Variants in ESRRG observed in about 807,000 individuals in gnomAD.
ESRRG encodes the protein estrogen-related receptor gamma.
In ESRRG, 13 loss-of-function variants were observed where a neutral mutation model predicts 44.0. The observed-to-expected ratio is 0.30, with a 90% CI of 0.19 to 0.47. ESRRG has a LOEUF of 0.47. Ranked by LOEUF, ESRRG falls within the 20% of genes least tolerant of loss-of-function variation. The pLI is 1.00. For missense variants in ESRRG, 395 were observed against 580.6 expected, an observed-to-expected ratio of 0.68 and a Z score of 3.29; for synonymous variants, 215 against 214.6, an observed-to-expected ratio of 1.00 and a Z score of -0.02.
intron 1 of ESRRG, among the ~76,000 whole-genome samples, chr1:216,950,012 C>T (rs2066698741): frequency 6.6e-6 from 1 of 150,890 alleles, no homozygotes; most frequent in Admixed American, 6.6e-5. Context: ...GGGGTTTCGC[C>T]ATGTTGGCCA....
At chr1:217,092,288 C>A (rs2092360628), upstream of ESRRG, among the ~76,000 whole-genome samples, 1 of 152,122 alleles carries the variant, frequency 6.6e-6, no homozygotes, top group Non-Finnish European at 1.5e-5. Flanking sequence ...CACTTCCCAA[C>A]CAAACCAAAG....
intron 5 of ESRRG, among the ~76,000 whole-genome samples, chr1:216,521,452 C>CAA (rs113482264): frequency 0.087 from 12,631 of 145,250 alleles, 646 homozygotes; most frequent in Admixed American, 0.18. Context: ...ATTAAAATAC[C>CAA]AAAAAAAAAA....
rs562003709 is a variant in ESRRG at position 216,819,924 on chromosome 1, A to T, written c.-14+119658T>A. On this transcript the variant is annotated intron_variant, in intron 2 of 7. Transcript: ENST00000359162. ...GGTATGGAGCAGACCAAAACAATAC[A>T]ACTGTAGAAATAAAAATTCCCATTA... Among the ~76,000 whole-genome samples the T allele has an allele frequency of 1.2e-4, 18 of 152,338 alleles. No homozygotes were observed. In the South Asian group the frequency reaches 3.7e-3, roughly 32 times the overall value.
intron 2 of ESRRG, among the ~76,000 whole-genome samples, chr1:216,662,209 G>A (rs1019937187): frequency 6.6e-6 from 1 of 152,098 alleles, no homozygotes; most frequent in Admixed American, 6.6e-5. Flanking sequence ...CCCAGGTAAT[G>A]GTTCTCAGCA....
intron 3 of ESRRG, among the ~76,000 whole-genome samples, chr1:216,603,269 A>T (rs1375656409): frequency 6.6e-6 from 1 of 152,172 alleles, no homozygotes. Flanking sequence ...AATATAACTC[A>T]AAGCCCATGT....
At chr1:216,886,630 T>C (rs2096522048) in intron 2 of ESRRG, among the ~76,000 whole-genome samples, 1 of 152,222 alleles carries the variant, frequency 6.6e-6, no homozygotes, top group Admixed American at 6.5e-5. Context: ...ACAACTATTT[T>C]TATTCCACTT....
intron 1 of ESRRG, among the ~76,000 whole-genome samples, chr1:216,941,207 C>T (rs1416793174): frequency 2.6e-5 from 4 of 152,074 alleles, no homozygotes; most frequent in Non-Finnish European, 5.9e-5. Context: ...GGAGAGGACC[C>T]ACTTAACTGA....
At chr1:216,650,728 C>T (rs190927743) in intron 3 of ESRRG, among the ~76,000 whole-genome samples, 7 of 152,246 alleles carry the variant, frequency 4.6e-5, no homozygotes, top group East Asian at 1.9e-4. Context: ...AAAAGCACTA[C>T]GGTCAAGCAT....
chr1:217,126,865 T>C (rs766913804), intron 1 of ESRRG, among the ~76,000 whole-genome samples: 1 of 152,220 alleles, frequency 6.6e-6, no homozygotes, highest in Non-Finnish European at 1.5e-5. Flanking sequence ...ACTGCCCAAC[T>C]GCATTGCATG....
chr1:216,790,944 A>G (rs1332498568), intron 2 of ESRRG, among the ~76,000 whole-genome samples: 1 of 152,154 alleles, frequency 6.6e-6, no homozygotes, highest in African/African-American at 2.4e-5. Flanking sequence ...CAGTTGAACA[A>G]AAATGGAAGT....
At chr1:216,933,761 C>T (rs905878372) in intron 2 of ESRRG, among the ~76,000 whole-genome samples, 12 of 152,230 alleles carry the variant, frequency 7.9e-5, no homozygotes, top group African/African-American at 2.9e-4. Flanking sequence ...AGAAATTTAA[C>T]AAGTGATTCT....
intron 1 of ESRRG, among the ~76,000 whole-genome samples, chr1:216,958,082 T>A: frequency 6.6e-6 from 1 of 152,242 alleles, no homozygotes. Flanking sequence ...ATAACATTTA[T>A]GAGATTCATC....
intron 1 of ESRRG, among the ~76,000 whole-genome samples, chr1:217,107,811 G>A (rs2092616357): frequency 6.6e-6 from 1 of 151,980 alleles, no homozygotes; most frequent in South Asian, 2.1e-4. Flanking sequence ...AAATAGTTAG[G>A]TTTTATGACT....
chr1:216,727,600 C>A (rs773297639), upstream of ESRRG, among the ~76,000 whole-genome samples: 4 of 152,142 alleles, frequency 2.6e-5, no homozygotes, highest in Non-Finnish European at 5.9e-5. Context: ...TATATTACCA[C>A]CAGCCCTCTA....
chr1:216,956,606 A>G (rs2068005254), intron 1 of ESRRG, among the ~76,000 whole-genome samples: 1 of 152,114 alleles, frequency 6.6e-6, no homozygotes, highest in South Asian at 2.1e-4. Flanking sequence ...GTTCCATATT[A>G]TGGAATTTGT....
At chr1:216,846,372 CT>C (rs1425273935) in intron 2 of ESRRG, among the ~76,000 whole-genome samples, 2 of 152,056 alleles carry the variant, frequency 1.3e-5, no homozygotes, top group Admixed American at 1.3e-4. Flanking sequence ...AAACATATGT[CT>C]TTGTCTAGAG....
intron 1 of ESRRG, among the ~76,000 whole-genome samples, chr1:217,000,020 T>A (rs1053470834): frequency 2.6e-5 from 4 of 152,238 alleles, no homozygotes; most frequent in African/African-American, 9.6e-5. Flanking sequence ...TCCATGGAAA[T>A]GTGGGCTAAA....
chr1:216,796,124 T>G (rs73096014), intron 2 of ESRRG, among the ~76,000 whole-genome samples: 2,825 of 152,214 alleles, frequency 0.019, 95 homozygotes, highest in African/African-American at 0.063. Flanking sequence ...TTCCTCCCTA[T>G]TTTCTCTTTG....
At position 216,787,764 on chromosome 1, in the gene ESRRG, C is replaced by T. The variant is rs538064095; in HGVS notation, c.-13-110273G>A. Among the ~76,000 whole-genome samples, 4 of 152,076 alleles carry T rather than the reference C, an allele frequency of 2.6e-5. No homozygotes were observed. In the East Asian group the frequency reaches 7.7e-4, roughly 29 times the overall value. ...AGGCCATAAGCTAGGCTTCTTGCACCAAATGGTTAGCCAAGTTGTGAATGT... is the reference window on the plus strand; with the variant it reads ...AGGCCATAAGCTAGGCTTCTTGCACTAAATGGTTAGCCAAGTTGTGAATGT... On this transcript the variant is annotated intron_variant, in intron 2 of 7. Coordinates refer to the ESRRG transcript ENST00000359162.
Sources: gnomAD v4.1 joint callset for allele counts (sites outside exome capture counted in the v4.1 genomes callset) on GRCh38, gnomAD v4.1.1 for gene constraint, MANE v1.5 for transcripts, NCBI Gene and HGNC (gene_info 2026-07-23, HGNC 2026-07-21) for gene names.